LMO7: variants seen among roughly 807,000 people sequenced by gnomAD.
LMO7 encodes the protein LIM domain only protein 7.
In LMO7, 120 loss-of-function variants were observed where a neutral mutation model predicts 206.5. That is an observed-to-expected ratio of 0.58 (90% CI 0.50 to 0.68). LMO7 has a LOEUF of 0.68. LMO7 is among the 30% of genes least tolerant of loss of function. LMO7 has a pLI of 0.00. For missense variants in LMO7, 1,959 were observed against 1,957.9 expected, an observed-to-expected ratio of 1.00 and a Z score of -0.01; for synonymous variants, 706 against 681.5, an observed-to-expected ratio of 1.04 and a Z score of -0.56.
At chr13:75,671,103 G>T (rs67810171) in intron 1 of LMO7, among the ~76,000 whole-genome samples, 1 of 151,522 alleles carries the variant, frequency 6.6e-6, no homozygotes, top group Non-Finnish European at 1.5e-5. Flanking sequence ...CCACTGGAAG[G>T]CCCTCAGGGG....
At chr13:75,670,345 T>C (rs2039451763) in intron 1 of LMO7, among the ~76,000 whole-genome samples, 1 of 152,192 alleles carries the variant, frequency 6.6e-6, no homozygotes, top group African/African-American at 2.4e-5. Context: ...TACAGGCATG[T>C]GTAACTAAAT....
intron 1 of LMO7, among the ~76,000 whole-genome samples, chr13:75,646,766 G>A (rs1195251518): frequency 6.6e-6 from 1 of 151,960 alleles, no homozygotes; most frequent in African/African-American, 2.4e-5. Context: ...TGTATTTTTA[G>A]TAGAGACAGG....
chr13:75,808,588 G>T (rs1275365809), intron 10 of LMO7, among the ~76,000 whole-genome samples: 23 of 152,100 alleles, frequency 1.5e-4, no homozygotes, highest in Admixed American at 1.4e-3. Context: ...TTTTGGGGGG[G>T]TGAAATTTTC....
At chr13:75,779,814 T>C (rs992729277) in intron 4 of LMO7, among the ~76,000 whole-genome samples, 6 of 152,202 alleles carry the variant, frequency 3.9e-5, no homozygotes, top group African/African-American at 1.2e-4. Flanking sequence ...TATGTTTTTA[T>C]TGGGGGAACC....
chr13:75,733,685 A>C (rs1257892465), intron 3 of LMO7, among the ~76,000 whole-genome samples: 2 of 152,240 alleles, frequency 1.3e-5, no homozygotes, highest in Non-Finnish European at 2.9e-5. Flanking sequence ...ACGGTACTGC[A>C]GATGGAAATG....
At chr13:75,806,903 T>G (rs2141046399) in intron 9 of LMO7, 1 of 153,046 alleles carries the variant, frequency 6.5e-6, no homozygotes, top group African/African-American at 2.4e-5. Context: ...GGTGGATCAC[T>G]TGAGGTCAGG....
At position 75,853,124 on chromosome 13, in the gene LMO7, G is replaced by A. The variant is rs770888557; in HGVS notation, c.4397G>A (p.Arg1466Gln). The A allele has an allele frequency of 1.1e-5, 17 of 1,611,586 alleles. No homozygotes were observed. The highest frequency in any genetic ancestry group is 3.3e-5 in the South Asian group (3 of 90,874). Reference protein sequence around the residue: ...GESLDNLDSPRSNSWRQPPWL... With the variant: ...GESLDNLDSPQSNSWRQPPWL... ...TCTTTAGATAACCTGGACTCCCCCC[G>A]ATCCAATTCTTGGAGACAGCCTCCT... The change falls in exon 28 of 31, where the codon CGA becomes CAA. Residue 1466 changes from arginine (R) to glutamine (Q), a missense_variant. Arg to Gln is a conservative substitution (Grantham distance 43). Transcript: ENST00000377534.
chr13:75,778,592 G>GT (rs1167598196), intron 4 of LMO7, among the ~76,000 whole-genome samples: 3 of 152,160 alleles, frequency 2.0e-5, no homozygotes, highest in Non-Finnish European at 4.4e-5. Context: ...GGCATATTGA[G>GT]TTTTTTTGAA....
At chr13:75,782,585 C>A (rs1260684924) in intron 4 of LMO7, among the ~76,000 whole-genome samples, 1 of 152,198 alleles carries the variant, frequency 6.6e-6, no homozygotes. Context: ...CTTAAAACAA[C>A]ACAAACTTAC....
At chr13:75,784,463 A>C (rs927190645) in intron 4 of LMO7, among the ~76,000 whole-genome samples, 2 of 152,196 alleles carry the variant, frequency 1.3e-5, no homozygotes, top group East Asian at 3.9e-4. Context: ...GAAACCTCCC[A>C]CTTATAGGCA....
chr13:75,817,393 TATAA>T, intron 12 of LMO7, 115 bp downstream of exon 12: 2 of 571,016 alleles, frequency 3.5e-6, no homozygotes, highest in Non-Finnish European at 6.0e-6. Context: ...TTCAGTTCTG[TATAA>T]AATGTGACCA....
intron 4 of LMO7, among the ~76,000 whole-genome samples, chr13:75,781,989 G>A (rs1007452982): frequency 7.2e-5 from 11 of 151,906 alleles, no homozygotes; most frequent in African/African-American, 2.2e-4. Context: ...TTTTTTTCTT[G>A]TAAATTTGTT....
At chr13:75,847,243 T>C (rs1248635922) in intron 26 of LMO7, among the ~76,000 whole-genome samples, 6 of 152,174 alleles carry the variant, frequency 3.9e-5, no homozygotes, top group Non-Finnish European at 2.9e-5. Flanking sequence ...AGATGCAATT[T>C]CCTAATCCAG....
At chr13:75,638,780 AT>A (rs1217599757) in intron 1 of LMO7, among the ~76,000 whole-genome samples, 1 of 152,118 alleles carries the variant, frequency 6.6e-6, no homozygotes, top group Non-Finnish European at 1.5e-5. Flanking sequence ...ATTTTAAAAT[AT>A]TGTTCTTGCC....
intron 3 of LMO7, among the ~76,000 whole-genome samples, chr13:75,747,575 G>A (rs919064468): frequency 1.3e-5 from 2 of 152,140 alleles, no homozygotes; most frequent in African/African-American, 2.4e-5. Context: ...AGCATTATCA[G>A]TGAGCCTTCG....
chr13:75,712,818 A>G (rs1175222530), intron 1 of LMO7, among the ~76,000 whole-genome samples: 1 of 152,188 alleles, frequency 6.6e-6, no homozygotes, highest in East Asian at 1.9e-4. Context: ...TTTCTATCTT[A>G]TACTGTTTTT....
In LMO7 at chr13:75,823,729, C is replaced by G; in HGVS notation, c.2805C>G (p.Pro935=). 2.5e-6 allele frequency: 4 copies of G among 1,614,126 alleles called. No homozygotes were observed. The highest frequency in any genetic ancestry group is 3.4e-6 in the Non-Finnish European group (4 of 1,180,006). The change falls in exon 15 of 31, where the codon CCC becomes CCG. Residue 935 remains proline, a synonymous_variant. Coordinates refer to ENST00000377534, the MANE Select transcript of LMO7 (RefSeq NM_001306080.2). Reference sequence around the variant, plus strand: ...CAGAAGAAGATGTGACAAGGCTGCCCTCTCCTACATCCCCCTTCTCATCTC... The same window carrying G: ...CAGAAGAAGATGTGACAAGGCTGCCGTCTCCTACATCCCCCTTCTCATCTC... The part of the protein sequence containing the change: ...AATEEDVTRL[P]SPTSPFSSLS...
chr13:75,691,295 T>C (rs2041455659), intron 1 of LMO7, among the ~76,000 whole-genome samples: 1 of 152,218 alleles, frequency 6.6e-6, no homozygotes, highest in Admixed American at 6.5e-5. Context: ...GCCATCAATC[T>C]TTTGGGTGTG....
rs891337639 is a variant in LMO7, at chr13:75,723,756, A to AGG, written c.141-3270_141-3269dup. The stretch of plus-strand genomic sequence containing the variant: ...GGAGCGGACAATTTGAAAGTAAGGG[A>AGG]GGGGAGTGAGAAGAAAAGGAAGGAG... On this transcript the variant is annotated intron_variant, in intron 2 of 30. Transcript: ENST00000377534. Among the ~76,000 whole-genome samples the AGG allele has an allele frequency of 5.3e-5, 8 of 152,232 alleles. No individual in the cohort carries two copies. The East Asian group carries it at 1.2e-3, about 22-fold the overall frequency.
Sources: allele counts gnomAD v4.1 joint callset (sites outside exome capture counted in the v4.1 genomes callset), GRCh38; gene constraint gnomAD v4.1.1; transcripts MANE v1.5; gene names NCBI Gene and HGNC (gene_info 2026-07-23, HGNC 2026-07-21).